The following PICK1 variants were observed in gnomAD, a reference collection of about 807,000 sequenced individuals.
The protein encoded by PICK1 is PRKCA-binding protein.
Under a neutral mutation model 48.9 loss-of-function variants are expected in PICK1, and 23 were observed. The observed-to-expected ratio is 0.47, with a 90% CI of 0.34 to 0.67. The LOEUF is 0.67. Ranked by LOEUF, PICK1 falls within the 30% of genes least tolerant of loss-of-function variation. PICK1 has a pLI of 0.01. For missense variants in PICK1, 423 were observed against 557.1 expected, an observed-to-expected ratio of 0.76 and a Z score of 2.42; for synonymous variants, 217 against 228.2, an observed-to-expected ratio of 0.95 and a Z score of 0.44.
chr22:38,063,087 A>T (rs544093624), intron 3 of PICK1, among the ~76,000 whole-genome samples: 4 of 152,012 alleles, frequency 2.6e-5, no homozygotes, highest in South Asian at 4.2e-4. Context: ...TATCTCGATG[A>T]TGACATCCTG....
At chr22:38,070,012 A>G (rs924207683) in intron 6 of PICK1, among the ~76,000 whole-genome samples, 1 of 152,182 alleles carries the variant, frequency 6.6e-6, no homozygotes, top group East Asian at 1.9e-4. Flanking sequence ...GCCAGGTGCT[A>G]AGGCTCTGGG....
chr22:38,070,687 G>T, intron 6 of PICK1, 151 bp from the exon 7 acceptor site: 1 of 717,470 alleles, frequency 1.4e-6, no homozygotes, highest in African/African-American at 1.7e-5. Context: ...GAACCCAGCT[G>T]ACCCGAGCTG....
At position 38,073,636 on chromosome 22, in the gene PICK1, GCA is replaced by G. The variant is rs1352755343; in HGVS notation, c.784-135_784-134del. On this transcript the variant is annotated intron_variant, in intron 10 of 12. Transcript: ENST00000356976. This position sits in a 1 kb window ranked among gnomAD's most constrained non-coding sequence, Gnocchi z 5.7. ...AAGCCTCAGGCCCTGTCATCCCTCAGCACCTGCCGCTGCCCGCTCTGGGACTC... is the reference window on the plus strand; with the variant it reads ...AAGCCTCAGGCCCTGTCATCCCTCAGCCTGCCGCTGCCCGCTCTGGGACTC... 1.2e-6 allele frequency: 1 copy of G among 812,856 alleles called. No homozygotes were observed. The highest frequency in any genetic ancestry group is 2.2e-6 in the Non-Finnish European group (1 of 463,730). The allele number at this position is 812,856 out of a possible 1,614,324, so 50.4% of individuals were successfully genotyped here.
At position 38,074,341 on chromosome 22, in the gene PICK1, G is replaced by A; in HGVS notation, c.869G>A (p.Gly290Asp). Reference protein sequence around the residue: ...LGEPLYRVSTGNYEYRLILRC... With the variant: ...LGEPLYRVSTDNYEYRLILRC... ...GAGCCCCTTTACCGGGTGAGCACCG[G>A]CAACTATGAGTACCGCCTGATCCTG... The change falls in exon 12 of 13, where the codon GGC becomes GAC. Residue 290 changes from glycine (G) to aspartate (D), a missense_variant. Physicochemically the swap from Gly to Asp is moderately conservative, Grantham distance 94 (BLOSUM62 -1). This residue lies in a region of PICK1 where 279 missense variants were observed against 417.8 expected (regional missense o/e 0.67). Transcript: ENST00000356976. The surrounding 1 kb of genome is among the most constrained non-coding windows in gnomAD (Gnocchi z 4.5). 6.2e-7 allele frequency: 1 copy of A among 1,612,856 alleles called. No individual in the cohort carries two copies. Among genetic ancestry groups the A allele is most frequent in the East Asian group, 2.2e-5 (1 of 44,862 alleles).
intron 6 of PICK1, among the ~76,000 whole-genome samples, chr22:38,070,633 T>G (rs569974078): frequency 6.6e-6 from 1 of 152,082 alleles, no homozygotes; most frequent in African/African-American, 2.4e-5. Context: ...GCACGGACCC[T>G]CCGCTGGCCA....
chr22:38,059,501 C>T (rs1471610826), intron 3 of PICK1, among the ~76,000 whole-genome samples, 156 bp downstream of exon 3: 1 of 152,202 alleles, frequency 6.6e-6, no homozygotes, highest in Non-Finnish European at 1.5e-5. Flanking sequence ...CGTTGCTCTG[C>T]CCTGTCTTCT....
chr22:38,064,861 G>A, intron 3 of PICK1, 141 bp from the exon 4 acceptor site: 1 of 944,912 alleles, frequency 1.1e-6, no homozygotes, highest in Non-Finnish European at 1.7e-6. Context: ...CTGCACTCCA[G>A]CCCGGGTGGT....
intron 7 of PICK1, 95 bp downstream of exon 7, chr22:38,070,986 A>G: frequency 1.1e-6 from 1 of 943,880 alleles, no homozygotes; most frequent in East Asian, 2.4e-5. Flanking sequence ...TAGGAATGCC[A>G]GCCTACAAAA....
At chr22:38,063,884 T>TA (rs775347326) in intron 3 of PICK1, among the ~76,000 whole-genome samples, 5 of 152,094 alleles carry the variant, frequency 3.3e-5, no homozygotes, top group Admixed American at 6.5e-5. Context: ...GCACCAGTTT[T>TA]AAAATTTTTA....
intron 3 of PICK1, among the ~76,000 whole-genome samples, chr22:38,063,752 C>T (rs1211702959): frequency 6.6e-6 from 1 of 151,692 alleles, no homozygotes; most frequent in East Asian, 1.9e-4. Flanking sequence ...AAGCGATCCT[C>T]CCACCTCAGC....
intron 5 of PICK1, among the ~76,000 whole-genome samples, chr22:38,068,509 A>G (rs1259100275): frequency 6.6e-6 from 1 of 152,032 alleles, no homozygotes; most frequent in Non-Finnish European, 1.5e-5. Context: ...TCTATCTGGG[A>G]GCTCCCTCCG....
At chr22:38,072,352 G>A (rs762179351) in intron 8 of PICK1, 125 bp from the exon 9 acceptor site, 177 of 1,134,728 alleles carry the variant, frequency 1.6e-4, no homozygotes, top group Non-Finnish European at 2.0e-4. Flanking sequence ...TCTTGGAGGT[G>A]TAGCCCCTGT....
chr22:38,075,290 T>C lies in PICK1; in HGVS notation c.*158T>C. 1.4e-6 allele frequency: 1 copy of C among 699,584 alleles called. No homozygotes were observed. Among genetic ancestry groups the C allele is most frequent in the East Asian group, 2.7e-5 (1 of 36,632 alleles). 43.3% of individuals were successfully genotyped at this position (699,584 alleles called of 1,614,324 possible). A position where few individuals can be genotyped will look rare whatever the true frequency, so the allele number is the denominator to read the frequency against. ...TCCTCGCACAGCGAACCTGGGCTCC[T>C]GCCCAGGACAGGCACCAGGGTCATG... is the stretch of plus-strand genomic sequence containing the variant. On this transcript the variant is annotated 3_prime_UTR_variant, in exon 13 of 13. Transcript: ENST00000356976.
At chr22:38,061,604 G>T (rs1352635869) in intron 3 of PICK1, among the ~76,000 whole-genome samples, 1 of 152,094 alleles carries the variant, frequency 6.6e-6, no homozygotes, top group South Asian at 2.1e-4. Context: ...CTGCAGCCTT[G>T]ATTTCCCCAG....
intron 3 of PICK1, among the ~76,000 whole-genome samples, chr22:38,063,815 G>A (rs1030217582): frequency 6.6e-6 from 1 of 151,630 alleles, no homozygotes; most frequent in Non-Finnish European, 1.5e-5. Flanking sequence ...GCTAATTTTC[G>A]TGTTTTTTGT....
At chr22:38,068,232 G>A (rs1027624797) in intron 5 of PICK1, 2 of 425,490 alleles carry the variant, frequency 4.7e-6, no homozygotes, top group African/African-American at 4.1e-5. Flanking sequence ...TGGACCTCAG[G>A]CATTGGGCAG....
intron 3 of PICK1, among the ~76,000 whole-genome samples, chr22:38,060,195 G>A (rs2085366037): frequency 1.3e-5 from 2 of 152,226 alleles, no homozygotes; most frequent in African/African-American, 4.8e-5. Flanking sequence ...ATTCCAGCCT[G>A]GGTGACCGAG....
In PICK1 at chr22:38,066,799, G is replaced by A. The variant is rs1258310833; in HGVS notation, c.283-905G>A. ...GTGGTCCCAAGTTCAAGGGCTTTTG[G>A]TTTGCAAGGATGAGAGTGAACACAG... On this transcript the variant is annotated intron_variant, in intron 4 of 12. Coordinates refer to ENST00000356976, the MANE Select transcript of PICK1 (RefSeq NM_012407.4). This position sits in a 1 kb window ranked among gnomAD's most constrained non-coding sequence, Gnocchi z 4.1. Among the ~76,000 whole-genome samples, 1 of 152,212 alleles carries A rather than the reference G, an allele frequency of 6.6e-6. No homozygotes were observed. Among genetic ancestry groups the A allele is most frequent in the East Asian group, 1.9e-4 (1 of 5,198 alleles).
chr22:38,074,517 G>T lies in PICK1; in HGVS notation c.979+66G>T. ...GGTGGGAAAACTGAGGCCCAGAGGGGTACTCTCAGGGCCAGGCCACGGCCC... is the reference window on the plus strand; with the variant it reads ...GGTGGGAAAACTGAGGCCCAGAGGGTTACTCTCAGGGCCAGGCCACGGCCC... On this transcript the variant is annotated intron_variant, in intron 12 of 12. Transcript: ENST00000356976. This position sits in a 1 kb window ranked among gnomAD's most constrained non-coding sequence, Gnocchi z 4.5. The T allele has an allele frequency of 1.3e-6, 2 of 1,583,542 alleles. No individual in the cohort carries two copies. The highest frequency in any genetic ancestry group is 1.1e-5 in the South Asian group (1 of 88,712).
Sources: gnomAD v4.1 joint callset for allele counts (sites outside exome capture counted in the v4.1 genomes callset) on GRCh38, gnomAD v4.1.1 for gene constraint, gnomAD v4.1.1 regional missense constraint, Gnocchi (gnomAD v3.1) non-coding constraint, MANE v1.5 for transcripts, NCBI Gene and HGNC (gene_info 2026-07-23, HGNC 2026-07-21) for gene names.